SNX8: variants seen among roughly 807,000 people sequenced by gnomAD.
SNX8 encodes the protein sorting nexin 8.
SNX8 carries 25 observed loss-of-function variants against 51.6 expected under a neutral mutation model. The ratio of observed to expected loss-of-function variants is 0.48; its 90% CI spans 0.35 to 0.68. SNX8 has a LOEUF of 0.68. SNX8 is among the 30% of genes least tolerant of loss of function. The probability of loss-of-function intolerance (pLI) is 0.00; values close to 1 mark genes in which losing one functional copy is unlikely to be tolerated. For missense variants in SNX8, 695 were observed against 624.0 expected (o/e 1.11, Z -1.21); for synonymous variants, 324 against 277.0 (o/e 1.17, Z -1.68).
At chr7:2,314,298 G>A (rs1010475370) in intron 1 of SNX8, 30 bp downstream of exon 1, 5 of 1,219,218 alleles carry the variant, frequency 4.1e-6, no homozygotes, top group Middle Eastern at 3.2e-4. Flanking sequence ...GCCCTGGGCA[G>A]GTGGGGGCTA....
Position 2,254,972 on chromosome 7 carries a change from C to T in SNX8, c.*84G>A, listed in dbSNP as rs118040378. ...GGGGCGTGGCGGGGAGGGGAGCTGC[C>T]GTCCAAAGGGAATTACACCGGGACA... On this transcript the variant is annotated 3_prime_UTR_variant, in exon 11 of 11. Transcript: ENST00000222990. The T allele has an allele frequency of 0.019, 17,920 of 947,808 alleles. 351 individuals are homozygous for T. Among genetic ancestry groups the T allele is most frequent in the Admixed American group, 0.082 (4,057 of 49,684 alleles). The allele number at this position is 947,808 out of a possible 1,614,324, so 58.7% of individuals were successfully genotyped here.
chr7:2,266,153 GA>G (rs1795457696), intron 5 of SNX8, among the ~76,000 whole-genome samples: 1 of 152,126 alleles, frequency 6.6e-6, no homozygotes, highest in Non-Finnish European at 1.5e-5. Context: ...ATTTTTGTAT[GA>G]AGAAGCAGGT....
chr7:2,346,381 G>A (rs1779027171), intron 1 of SNX8, among the ~76,000 whole-genome samples: 1 of 151,916 alleles, frequency 6.6e-6, no homozygotes, highest in Non-Finnish European at 1.5e-5. Flanking sequence ...AGGAGGTCAA[G>A]GCTGCTCTGA....
chr7:2,303,263 C>T (rs1477745026), intron 1 of SNX8, among the ~76,000 whole-genome samples: 1 of 147,928 alleles, frequency 6.8e-6, no homozygotes. Flanking sequence ...CGGCCAGCCG[C>T]CCCGTCCGGG....
Position 2,257,423 on chromosome 7 carries a change from G to C in SNX8, c.1076C>G (p.Ala359Gly). 1.9e-6 allele frequency: 3 copies of C among 1,610,820 alleles called. No homozygotes were observed. The highest frequency in any genetic ancestry group is 2.2e-5 in the East Asian group (1 of 44,826). ...YSLMKRQMMS[A>G]TAQNREPESV... ...CTCCGGCTCGCGGTTCTGCGCGGTG[G>C]CGCTCATCATCTGCCTCTTCATCAG... The change falls in exon 9 of 11, where the codon GCC becomes GGC. Residue 359 changes from alanine (A) to glycine (G), a missense_variant. Ala to Gly is a moderately conservative substitution (Grantham distance 60). Coordinates refer to ENST00000222990, the MANE Select transcript of SNX8 (RefSeq NM_013321.4).
At chr7:2,269,179 G>A (rs1156303252) in intron 5 of SNX8, among the ~76,000 whole-genome samples, 1 of 150,040 alleles carries the variant, frequency 6.7e-6, no homozygotes, top group Non-Finnish European at 1.5e-5. Flanking sequence ...ATTTTGTTCT[G>A]TACTAAGAAA....
At chr7:2,312,635 C>A (rs1796679529) in intron 1 of SNX8, among the ~76,000 whole-genome samples, 1 of 152,198 alleles carries the variant, frequency 6.6e-6, no homozygotes, top group East Asian at 1.9e-4. Flanking sequence ...CTCCCCTGCT[C>A]CCCGCTGCCG....
At chr7:2,298,593 C>A (rs1400417423) in intron 1 of SNX8, among the ~76,000 whole-genome samples, 5 of 151,898 alleles carry the variant, frequency 3.3e-5, no homozygotes. Flanking sequence ...TGGTCTCGAA[C>A]TCCTAACCTC....
At chr7:2,267,448 G>C (rs1167646166) in intron 5 of SNX8, among the ~76,000 whole-genome samples, 1 of 133,602 alleles carries the variant, frequency 7.5e-6, no homozygotes, top group South Asian at 2.6e-4. Flanking sequence ...TCAGTCTGCC[G>C]AATGCCTGCG....
At chr7:2,318,683 G>A (rs1262717468), upstream of SNX8, among the ~76,000 whole-genome samples, 1 of 151,086 alleles carries the variant, frequency 6.6e-6, no homozygotes, top group Non-Finnish European at 1.5e-5. Context: ...CGAAAACAGG[G>A]AGACTTTGTC....
chr7:2,342,892 G>A (rs1412669135), intron 1 of SNX8, among the ~76,000 whole-genome samples: 1 of 151,476 alleles, frequency 6.6e-6, no homozygotes, highest in Non-Finnish European at 1.5e-5. Flanking sequence ...GCATGATCTC[G>A]GCTCGCTGCA....
intron 1 of SNX8, among the ~76,000 whole-genome samples, chr7:2,322,586 C>G (rs562393819): frequency 1.3e-5 from 2 of 151,794 alleles, no homozygotes; most frequent in Admixed American, 6.6e-5. Flanking sequence ...CCCAGCTACT[C>G]GGGAGGCTGA....
At chr7:2,325,677 C>T (rs1778610447) in intron 1 of SNX8, among the ~76,000 whole-genome samples, 1 of 151,738 alleles carries the variant, frequency 6.6e-6, no homozygotes, top group African/African-American at 2.4e-5. Flanking sequence ...AATATATATA[C>T]AAAAAATTAG....
intron 1 of SNX8, among the ~76,000 whole-genome samples, chr7:2,289,967 T>C (rs145674533): frequency 0.021 from 3,158 of 151,848 alleles, 76 homozygotes; most frequent in Admixed American, 0.069. Context: ...CTGAGGCGGG[T>C]GGATCACCTG....
At chr7:2,315,424 T>C (rs544797697), upstream of SNX8, among the ~76,000 whole-genome samples, 1 of 151,294 alleles carries the variant, frequency 6.6e-6, no homozygotes, top group African/African-American at 2.4e-5. Flanking sequence ...CATCCTGCAT[T>C]CATTCATCCA....
intron 1 of SNX8, among the ~76,000 whole-genome samples, chr7:2,296,797 G>A (rs1796282725): frequency 6.6e-6 from 1 of 151,804 alleles, no homozygotes; most frequent in South Asian, 2.1e-4. Flanking sequence ...AGGCATGGTG[G>A]CGGACACCTG....
At chr7:2,280,755 T>A (rs1795889354) in intron 1 of SNX8, among the ~76,000 whole-genome samples, 1 of 151,752 alleles carries the variant, frequency 6.6e-6, no homozygotes, top group Admixed American at 6.6e-5. Flanking sequence ...ATTAGAAAGC[T>A]ATGCTTTCAA....
At chr7:2,325,940 C>T (rs1001208820) in intron 1 of SNX8, among the ~76,000 whole-genome samples, 45 of 152,076 alleles carry the variant, frequency 3.0e-4, no homozygotes, top group African/African-American at 9.4e-4. Flanking sequence ...GAAATCTTAG[C>T]GGGAATGTAT....
chr7:2,277,626 C>T (rs1795810850), intron 2 of SNX8, among the ~76,000 whole-genome samples: 1 of 119,272 alleles, frequency 8.4e-6, no homozygotes, highest in Admixed American at 9.5e-5. Flanking sequence ...TGGTGAAACC[C>T]TGTCTCTACT....
Sources: gnomAD v4.1 joint callset for allele counts (sites outside exome capture counted in the v4.1 genomes callset) on GRCh38, gnomAD v4.1.1 for gene constraint, MANE v1.5 for transcripts, NCBI Gene and HGNC (gene_info 2026-07-23, HGNC 2026-07-21) for gene names.